The following PDE3A variants were observed in gnomAD, a reference collection of about 807,000 sequenced individuals.
The protein encoded by PDE3A is cGMP-inhibited 3',5'-cyclic phosphodiesterase 3A.
A neutral mutation model predicts 98.3 loss-of-function variants in PDE3A; 43 were observed. That is an observed-to-expected ratio of 0.44 (90% CI 0.34 to 0.56). The LOEUF (loss-of-function observed/expected upper bound fraction) is 0.56. Ranked by LOEUF, PDE3A falls within the 20% of genes least tolerant of loss-of-function variation. The pLI is 0.01. For synonymous variants in PDE3A, 663 were observed against 567.9 expected (o/e 1.17, Z -2.38); for missense variants, 1,427 against 1,440.7 (o/e 0.99, Z 0.15).
intron 1 of PDE3A, among the ~76,000 whole-genome samples, chr12:20,468,338 T>C (rs1338850643): frequency 6.6e-6 from 1 of 152,218 alleles, no homozygotes; most frequent in Non-Finnish European, 1.5e-5. Flanking sequence ...CCAATGATTA[T>C]GGTCTGTACT....
rs1424074482 is a variant in PDE3A, at chr12:20,519,248, T to G, written c.961-37412T>G. Among the ~76,000 whole-genome samples the G allele has an allele frequency of 6.6e-5, 10 of 152,146 alleles. No homozygotes were observed. In the South Asian group the frequency reaches 1.9e-3, roughly 28 times the overall value. ...GATATCATGGAGTGAGTCTGGAAAC[T>G]CCTGTTACAGAACACCAGGAGTGGC... On this transcript the variant is annotated intron_variant, in intron 1 of 15. Transcript: ENST00000359062.
At chr12:20,395,954 G>GT (rs776768496) in intron 1 of PDE3A, among the ~76,000 whole-genome samples, 1 of 151,902 alleles carries the variant, frequency 6.6e-6, no homozygotes, top group Non-Finnish European at 1.5e-5. Context: ...GAAGTGCAGT[G>GT]GCATGATCAT....
At chr12:20,645,046 G>A (rs1040963509) in intron 10 of PDE3A, among the ~76,000 whole-genome samples, 5 of 151,610 alleles carry the variant, frequency 3.3e-5, no homozygotes, top group Admixed American at 2.6e-4. Flanking sequence ...CCACCACCAC[G>A]CTCGGCTAAT....
intron 2 of PDE3A, among the ~76,000 whole-genome samples, chr12:20,558,576 A>G (rs1489739447): frequency 6.6e-6 from 1 of 151,866 alleles, no homozygotes; most frequent in Non-Finnish European, 1.5e-5. Context: ...AACAATAAGA[A>G]CCATAGCAAA....
chr12:20,500,192 A>G (rs1417853715), intron 1 of PDE3A, among the ~76,000 whole-genome samples: 1 of 152,218 alleles, frequency 6.6e-6, no homozygotes, highest in African/African-American at 2.4e-5. Flanking sequence ...GATCCAAGTC[A>G]ATGTATAGGG....
chr12:20,580,348 G>C (rs1434039265), intron 2 of PDE3A, among the ~76,000 whole-genome samples: 5 of 152,104 alleles, frequency 3.3e-5, no homozygotes, highest in Admixed American at 3.3e-4. Flanking sequence ...AAATTAGGAA[G>C]ACATTTTAAT....
At chr12:20,519,139 T>C (rs2121143814) in intron 1 of PDE3A, among the ~76,000 whole-genome samples, 1 of 152,332 alleles carries the variant, frequency 6.6e-6, no homozygotes, top group South Asian at 2.1e-4. Context: ...ATGGAGGAGT[T>C]CTTTAACTTT....
intron 1 of PDE3A, among the ~76,000 whole-genome samples, chr12:20,396,390 T>C (rs1025108516): frequency 1.3e-5 from 2 of 152,116 alleles, no homozygotes; most frequent in Non-Finnish European, 2.9e-5. Flanking sequence ...GTGAAGCCAG[T>C]ACAGTTTCGT....
intron 1 of PDE3A, among the ~76,000 whole-genome samples, chr12:20,485,079 G>T (rs913695877): frequency 6.6e-6 from 1 of 152,126 alleles, no homozygotes; most frequent in South Asian, 2.1e-4. Flanking sequence ...TGGGGCTGTT[G>T]TCACAAAGTA....
chr12:20,569,472 G>A (rs867765797), intron 2 of PDE3A, among the ~76,000 whole-genome samples: 16 of 152,016 alleles, frequency 1.1e-4, no homozygotes, highest in Admixed American at 4.6e-4. Flanking sequence ...TGTCCTGTTC[G>A]CAGCAGAATA....
intron 15 of PDE3A, among the ~76,000 whole-genome samples, chr12:20,667,500 A>AT (rs1271051910): frequency 3.3e-5 from 5 of 152,068 alleles, no homozygotes; most frequent in African/African-American, 4.8e-5. Flanking sequence ...TGAATATCCA[A>AT]TTTTCCCAGC....
At chr12:20,505,699 T>G (rs7488869) in intron 1 of PDE3A, among the ~76,000 whole-genome samples, 39,588 of 152,074 alleles carry the variant, frequency 0.26, 6,492 homozygotes, top group East Asian at 0.43. Context: ...ATGGTCTCAC[T>G]ATTCTTTCCA....
At chr12:20,392,157 A>T (rs1943929095) in intron 1 of PDE3A, among the ~76,000 whole-genome samples, 1 of 151,250 alleles carries the variant, frequency 6.6e-6, no homozygotes, top group South Asian at 2.1e-4. Context: ...TTAATACTAC[A>T]CTCCATTCAT....
intron 2 of PDE3A, among the ~76,000 whole-genome samples, chr12:20,571,393 A>G (rs1471934986): frequency 1.3e-5 from 2 of 152,134 alleles, no homozygotes; most frequent in Admixed American, 6.6e-5. Context: ...AAGGAGAGCC[A>G]TTTACATTAT....
chr12:20,641,629 A>T (rs74528726), intron 10 of PDE3A, among the ~76,000 whole-genome samples: 6,219 of 152,284 alleles, frequency 0.041, 174 homozygotes, highest in Non-Finnish European at 0.062. Flanking sequence ...CTCCATAGAC[A>T]TAACTACCAA....
chr12:20,532,661 A>G (rs1941634681), intron 1 of PDE3A, among the ~76,000 whole-genome samples: 1 of 150,418 alleles, frequency 6.6e-6, no homozygotes, highest in Non-Finnish European at 1.5e-5. Flanking sequence ...CATTTATGTC[A>G]GGTTTTTGTG....
intron 1 of PDE3A, among the ~76,000 whole-genome samples, chr12:20,389,599 C>T (rs1250717210): frequency 6.6e-6 from 1 of 151,932 alleles, no homozygotes; most frequent in East Asian, 1.9e-4. Flanking sequence ...AGAGTGCCCA[C>T]AACATCCCAG....
intron 2 of PDE3A, among the ~76,000 whole-genome samples, chr12:20,580,344 G>A (rs980781437): frequency 2.0e-5 from 3 of 152,056 alleles, no homozygotes; most frequent in Non-Finnish European, 4.4e-5. Flanking sequence ...ACAAAAATTA[G>A]GAAGACATTT....
intron 2 of PDE3A, among the ~76,000 whole-genome samples, chr12:20,596,066 G>A (rs1434887824): frequency 1.3e-5 from 2 of 151,690 alleles, no homozygotes; most frequent in Non-Finnish European, 1.5e-5. Context: ...TTTTTGCATA[G>A]ATCTTTGTCT....
Sources: allele counts gnomAD v4.1 joint callset (sites outside exome capture counted in the v4.1 genomes callset), GRCh38; gene constraint gnomAD v4.1.1; transcripts MANE v1.5; gene names NCBI Gene and HGNC (gene_info 2026-07-23, HGNC 2026-07-21).